Variants in LHFPL3 observed in about 807,000 individuals in gnomAD.
LHFPL3 encodes the protein LHFPL tetraspan subfamily member 3 protein.
LHFPL3 carries 5 observed loss-of-function variants against 19.3 expected under a neutral mutation model. The observed-to-expected ratio is 0.26, with a 90% CI of 0.14 to 0.54. The LOEUF is 0.54. Ranked by LOEUF, LHFPL3 falls within the 20% of genes least tolerant of loss-of-function variation. The probability of loss-of-function intolerance (pLI) is 0.94; values close to 1 mark genes in which losing one functional copy is unlikely to be tolerated. For missense variants in LHFPL3, 249 were observed against 307.4 expected, an observed-to-expected ratio of 0.81 and a Z score of 1.42; for synonymous variants, 133 against 126.2, an observed-to-expected ratio of 1.05 and a Z score of -0.36.
chr7:104,440,616 T>C (rs1792206877), intron 1 of LHFPL3, among the ~76,000 whole-genome samples: 1 of 151,998 alleles, frequency 6.6e-6, no homozygotes, highest in South Asian at 2.1e-4. Flanking sequence ...ATACATAGAG[T>C]ATGGTCTTAA....
intron 1 of LHFPL3, among the ~76,000 whole-genome samples, chr7:104,544,621 T>G (rs1169250259): frequency 6.6e-6 from 1 of 152,180 alleles, no homozygotes; most frequent in East Asian, 1.9e-4. Context: ...AGCAAAGAGA[T>G]CTCTTCCCTA....
intron 1 of LHFPL3, chr7:104,667,646 C>G (rs1406038012): frequency 1.2e-6 from 1 of 847,334 alleles, no homozygotes; most frequent in Non-Finnish European, 1.8e-6. Flanking sequence ...CTTGAAACAG[C>G]CAAGGGTAAA....
At chr7:104,867,341 A>G (rs989696964) in intron 2 of LHFPL3, among the ~76,000 whole-genome samples, 3 of 152,212 alleles carry the variant, frequency 2.0e-5, no homozygotes, top group Non-Finnish European at 4.4e-5. Context: ...CAAGACTAAT[A>G]AAGAAGAAAA....
chr7:104,745,500 T>C (rs2116328777), intron 2 of LHFPL3, among the ~76,000 whole-genome samples: 1 of 152,386 alleles, frequency 6.6e-6, no homozygotes, highest in African/African-American at 2.4e-5. Context: ...TGAATATTTG[T>C]TGTGGTATAA....
chr7:104,331,752 C>T (rs568698214), intron 1 of LHFPL3, among the ~76,000 whole-genome samples: 5 of 152,196 alleles, frequency 3.3e-5, no homozygotes, highest in East Asian at 1.9e-4. Flanking sequence ...GAGTTCAAAA[C>T]CAGCCTGGCC....
At chr7:104,763,248 A>G (rs1794406007) in intron 2 of LHFPL3, among the ~76,000 whole-genome samples, 2 of 152,162 alleles carry the variant, frequency 1.3e-5, no homozygotes, top group African/African-American at 4.8e-5. Context: ...CCTTCGCCAG[A>G]CCTTGTCTTT....
At chr7:104,888,244 T>C (rs574450501) in intron 2 of LHFPL3, among the ~76,000 whole-genome samples, 2 of 152,308 alleles carry the variant, frequency 1.3e-5, no homozygotes, top group Admixed American at 1.3e-4. Flanking sequence ...ATATGTATCA[T>C]AGAGGCCAGG....
intron 1 of LHFPL3, among the ~76,000 whole-genome samples, chr7:104,404,464 A>G (rs1791377021): frequency 6.6e-6 from 1 of 152,220 alleles, no homozygotes; most frequent in Non-Finnish European, 1.5e-5. Context: ...TTTTTACTGA[A>G]GTAAAATTAT....
At chr7:104,842,968 C>G (rs892115643) in intron 2 of LHFPL3, among the ~76,000 whole-genome samples, 61 of 152,194 alleles carry the variant, frequency 4.0e-4, no homozygotes, top group African/African-American at 1.4e-3. Flanking sequence ...TCTCTGTGCT[C>G]CAGAGCATGA....
intron 2 of LHFPL3, among the ~76,000 whole-genome samples, chr7:104,771,392 T>G (rs2116398595): frequency 6.6e-6 from 1 of 152,270 alleles, no homozygotes; most frequent in Non-Finnish European, 1.5e-5. Context: ...GAGGTGATTT[T>G]CTCATGATTT....
chr7:104,673,003 C>A (rs1792516067), intron 1 of LHFPL3, among the ~76,000 whole-genome samples: 1 of 152,182 alleles, frequency 6.6e-6, no homozygotes, highest in Non-Finnish European at 1.5e-5. Context: ...AATGCCCCCC[C>A]TTTTCACTTA....
chr7:104,456,728 G>A (rs115454571), intron 1 of LHFPL3, among the ~76,000 whole-genome samples: 161 of 152,210 alleles, frequency 1.1e-3, no homozygotes, highest in African/African-American at 3.8e-3. Context: ...AGAGCTTTTT[G>A]AACGCAAGCA....
chr7:104,623,206 T>TTTTTG (rs906363858), intron 1 of LHFPL3, among the ~76,000 whole-genome samples: 4 of 152,140 alleles, frequency 2.6e-5, no homozygotes, highest in African/African-American at 9.7e-5. Flanking sequence ...CACTCATGTG[T>TTTTTG]TTTTGTTTTG....
chr7:104,769,084 A>G (rs1291471926), intron 2 of LHFPL3: 1 of 152,224 alleles, frequency 6.6e-6, no homozygotes, highest in Non-Finnish European at 1.5e-5. Context: ...CTCATTAAAT[A>G]CTTACTTTTT....
chr7:104,561,246 C>T (rs565560279), intron 1 of LHFPL3, among the ~76,000 whole-genome samples: 6,470 of 137,362 alleles, frequency 0.047, 336 homozygotes, highest in African/African-American at 0.15. Context: ...TTGTTGACTT[C>T]CTGTCTCGTT....
At chr7:104,465,504 A>C (rs1792761886) in intron 1 of LHFPL3, among the ~76,000 whole-genome samples, 1 of 152,224 alleles carries the variant, frequency 6.6e-6, no homozygotes, top group African/African-American at 2.4e-5. Context: ...TTATGAAGGA[A>C]AGAGATTTAA....
intron 1 of LHFPL3, among the ~76,000 whole-genome samples, chr7:104,593,946 G>A (rs1020555006): frequency 2.4e-4 from 37 of 152,050 alleles, no homozygotes; most frequent in Non-Finnish European, 4.0e-4. Flanking sequence ...GTCTTTGCAC[G>A]TGAAATGGGT....
chr7:104,507,381 G>A (rs947849334), intron 1 of LHFPL3, among the ~76,000 whole-genome samples: 7 of 145,644 alleles, frequency 4.8e-5, no homozygotes, highest in Non-Finnish European at 7.5e-5. Context: ...TTAATAAATG[G>A]TGCTGGGAAA....
intron 1 of LHFPL3, among the ~76,000 whole-genome samples, chr7:104,519,817 G>A (rs1335310138): frequency 6.6e-6 from 1 of 152,088 alleles, no homozygotes; most frequent in Non-Finnish European, 1.5e-5. Flanking sequence ...GGAAGCAACT[G>A]TAGATGCCAT....
Sources: allele counts gnomAD v4.1 joint callset (sites outside exome capture counted in the v4.1 genomes callset), GRCh38; gene constraint gnomAD v4.1.1; transcripts MANE v1.5; gene names NCBI Gene and HGNC (gene_info 2026-07-23, HGNC 2026-07-21).